Variants in PRKG1 observed in about 807,000 individuals in gnomAD.
PRKG1 encodes cGMP-dependent protein kinase 1.
PRKG1 carries 35 observed loss-of-function variants against 88.1 expected under a neutral mutation model. The observed-to-expected ratio is 0.40, with a 90% CI of 0.30 to 0.53. The LOEUF (loss-of-function observed/expected upper bound fraction) is 0.53. Among genes scored for constraint, PRKG1 ranks in the 20% least tolerant of loss-of-function variants. PRKG1 has a pLI of 0.59. For missense variants in PRKG1, 540 were observed against 839.8 expected (o/e 0.64, Z 4.41); for synonymous variants, 303 against 292.5 (o/e 1.04, Z -0.37).
chr10:51,919,869 C>A (rs61658638), intron 5 of PRKG1, among the ~76,000 whole-genome samples: 2,070 of 152,212 alleles, frequency 0.014, 53 homozygotes, highest in African/African-American at 0.048. Context: ...GTTTCCAGCA[C>A]AGCAAGGATT....
intron 3 of PRKG1, among the ~76,000 whole-genome samples, chr10:51,554,047 CGTATGTGATACGTGTAT>C (rs1837228851): frequency 7.8e-5 from 9 of 115,160 alleles, no homozygotes; most frequent in African/African-American, 2.8e-4. Context: ...ATTATATGTG[CGTATGTGATACGTGTAT>C]ATATTATATG....
At chr10:52,259,227 C>T (rs1841378236) in intron 10 of PRKG1, among the ~76,000 whole-genome samples, 1 of 151,928 alleles carries the variant, frequency 6.6e-6, no homozygotes, top group Non-Finnish European at 1.5e-5. Flanking sequence ...TATAAGGTGA[C>T]TAGACAAGCT....
chr10:52,231,549 T>A (rs973729774), intron 9 of PRKG1, among the ~76,000 whole-genome samples: 2 of 152,178 alleles, frequency 1.3e-5, no homozygotes, highest in Non-Finnish European at 2.9e-5. Flanking sequence ...GACTGAAGAG[T>A]CTTTTGCTTA....
At chr10:52,205,139 C>T (rs1394976469) in intron 9 of PRKG1, among the ~76,000 whole-genome samples, 1 of 152,132 alleles carries the variant, frequency 6.6e-6, no homozygotes, top group African/African-American at 2.4e-5. Flanking sequence ...TCTAGTCAGA[C>T]TAGTTCTCTG....
At position 52,296,506 on chromosome 10, in the gene PRKG1, C is replaced by G. The variant is rs1353698826; in HGVS notation, c.*2606C>G. The G allele has an allele frequency of 1.3e-5, 2 of 152,042 alleles. No homozygotes were observed. The highest frequency in any genetic ancestry group is 2.9e-5 in the Non-Finnish European group (2 of 67,932). The allele number at this position is 152,042 out of a possible 1,614,324, so 9.4% of individuals were successfully genotyped here. A position where few individuals can be genotyped will look rare whatever the true frequency, so the allele number is the denominator to read the frequency against. On this transcript the variant is annotated 3_prime_UTR_variant, in exon 18 of 18. Transcript: ENST00000373980. ...TTTAAATCTTGTCTTAATGAAGACT[C>G]TAGGGCTAAAATTCATGGTCAGTTC...
intron 3 of PRKG1, among the ~76,000 whole-genome samples, chr10:51,672,736 T>C (rs1840614916): frequency 2.0e-5 from 3 of 152,336 alleles, no homozygotes; most frequent in Admixed American, 2.0e-4. Flanking sequence ...ATATCTTCAC[T>C]TGAGTTATTC....
chr10:51,207,214 A>T (rs1838085913), intron 2 of PRKG1, among the ~76,000 whole-genome samples: 1 of 152,202 alleles, frequency 6.6e-6, no homozygotes, highest in Non-Finnish European at 1.5e-5. Context: ...CAGGCTTTAT[A>T]ATATTATCCA....
chr10:52,240,490 G>A (rs1011564353), intron 9 of PRKG1, among the ~76,000 whole-genome samples: 3 of 152,138 alleles, frequency 2.0e-5, no homozygotes, highest in African/African-American at 7.2e-5. Context: ...ATGGAGTTTA[G>A]TTTCAAAAGG....
intron 2 of PRKG1, among the ~76,000 whole-genome samples, chr10:51,313,844 A>G (rs1451580774): frequency 2.0e-5 from 3 of 152,152 alleles, no homozygotes; most frequent in Non-Finnish European, 2.9e-5. Flanking sequence ...CTTCATTCTC[A>G]TGGATTCAGT....
intron 13 of PRKG1, 67 bp from the exon 14 acceptor site, chr10:52,282,086 A>C (rs1842014109): frequency 7.2e-7 from 1 of 1,396,104 alleles, no homozygotes; most frequent in Non-Finnish European, 9.7e-7. Flanking sequence ...GTGTGCTTCA[A>C]AATAACTTAT....
At chr10:51,063,413 G>A (rs1046299441) in intron 1 of PRKG1, among the ~76,000 whole-genome samples, 1 of 152,142 alleles carries the variant, frequency 6.6e-6, no homozygotes, top group African/African-American at 2.4e-5. Context: ...AAGCTATATA[G>A]CATGTGACTG....
intron 9 of PRKG1, among the ~76,000 whole-genome samples, chr10:52,200,761 A>C (rs1839643228): frequency 6.6e-6 from 1 of 152,208 alleles, no homozygotes; most frequent in Non-Finnish European, 1.5e-5. Context: ...GACTCGTGTG[A>C]AATGATATCT....
intron 3 of PRKG1, among the ~76,000 whole-genome samples, chr10:51,728,480 T>C (rs1200376180): frequency 6.7e-6 from 1 of 149,394 alleles, no homozygotes; most frequent in African/African-American, 2.4e-5. Flanking sequence ...TTTTTTTTTT[T>C]AATCAGAAGC....
chr10:51,806,233 C>T (rs1451357264), intron 4 of PRKG1, among the ~76,000 whole-genome samples: 24 of 152,134 alleles, frequency 1.6e-4, no homozygotes, highest in Admixed American at 1.6e-3. Flanking sequence ...ATCTCACATA[C>T]CTAAGCGTTG....
chr10:51,525,902 T>G (rs1841872270), intron 3 of PRKG1, among the ~76,000 whole-genome samples: 1 of 151,926 alleles, frequency 6.6e-6, no homozygotes, highest in African/African-American at 2.4e-5. Context: ...CTCAGCTCAC[T>G]GCAATCTCCT....
chr10:51,183,365 G>A (rs1253626887), intron 2 of PRKG1, among the ~76,000 whole-genome samples: 1 of 152,144 alleles, frequency 6.6e-6, no homozygotes, highest in Non-Finnish European at 1.5e-5. Context: ...GCAGCTGCAA[G>A]CCTTGCTAAT....
At chr10:51,839,474 C>A (rs183663530) in intron 4 of PRKG1, among the ~76,000 whole-genome samples, 9 of 152,064 alleles carry the variant, frequency 5.9e-5, no homozygotes, top group African/African-American at 2.2e-4. Flanking sequence ...AAGAAAGTGG[C>A]TGAAAAGGAA....
chr10:51,888,081 A>G (rs1841618271), intron 4 of PRKG1, among the ~76,000 whole-genome samples: 1 of 152,194 alleles, frequency 6.6e-6, no homozygotes, highest in Non-Finnish European at 1.5e-5. Flanking sequence ...CAAATAAATT[A>G]TTGGAGGTGA....
rs186433170 is a variant in PRKG1 at position 52,253,869 on chromosome 10, G to A, written c.1173+2203G>A. ...ACTTCTACATCGGGACGGAGTGCAC[G>A]TCCTTAACCTTTTACGGCCACATCA... On this transcript the variant is annotated intron_variant, in intron 10 of 17. Transcript: ENST00000373980. 2.0e-4 allele frequency among the ~76,000 whole-genome samples: 30 copies of A among 151,892 alleles called. No homozygotes were observed. In the East Asian group the frequency reaches 2.1e-3, roughly 11 times the overall value.
Sources: gnomAD v4.1 joint callset for allele counts (sites outside exome capture counted in the v4.1 genomes callset) on GRCh38, gnomAD v4.1.1 for gene constraint, MANE v1.5 for transcripts, NCBI Gene and HGNC (gene_info 2026-07-23, HGNC 2026-07-21) for gene names.